The following SLC35G5 variants were observed in gnomAD, a reference collection of about 807,000 sequenced individuals.
SLC35G5 encodes the protein acyl-malonyl condensing enzyme 1-like 2.
In SLC35G5, 14 loss-of-function variants were observed where a neutral mutation model predicts 17.6. That is an observed-to-expected ratio of 0.79 (90% CI 0.52 to 1.24). The LOEUF is 1.24. SLC35G5 is among the 50% of genes most tolerant of loss of function. The probability of loss-of-function intolerance (pLI) is 0.00; values close to 1 mark genes in which losing one functional copy is unlikely to be tolerated. For synonymous variants in SLC35G5, 236 were observed against 194.9 expected, an observed-to-expected ratio of 1.21 and a Z score of -1.76; for missense variants, 541 against 430.3, an observed-to-expected ratio of 1.26 and a Z score of -2.28.
Position 11,331,446 on chromosome 8 carries a change from A to T in SLC35G5, c.340A>T (p.Ser114Cys). 1 of 1,613,938 alleles carries T rather than the reference A, an allele frequency of 6.2e-7. No homozygotes were observed. The highest frequency in any genetic ancestry group is 2.2e-5 in the East Asian group (1 of 44,878). ...ACFCALLNVL[S>C]IGCAYSAVQV... ...CTTCTGTGCCCTGCTCAACGTCCTC[A>T]GCATTGGATGTGCCTACAGTGCAGT... Residue 114 changes from serine (S) to cysteine (C), a missense_variant, in exon 1 of 1, where the codon AGC (serine) becomes TGC (cysteine). Physicochemically the swap from Ser to Cys is moderately radical, Grantham distance 112 (BLOSUM62 -1). Coordinates refer to ENST00000382435, the MANE Select transcript of SLC35G5 (RefSeq NM_054028.2).
Position 11,331,617 on chromosome 8 carries a change from A to G in SLC35G5, c.511A>G (p.Ile171Val), listed in dbSNP as rs1801232892. Residue 171 changes from isoleucine to valine, a missense_variant, in exon 1 of 1, where the codon ATC (isoleucine) becomes GTC (valine). Coordinates refer to ENST00000382435, the MANE Select transcript of SLC35G5 (RefSeq NM_054028.2). Reference protein sequence around the residue: ...GLLGSILGLIIILGPGLWTLQ... With the variant: ...GLLGSILGLIVILGPGLWTLQ... The stretch of plus-strand genomic sequence containing the variant: ...GTTGGGCAGCATCCTAGGACTAATC[A>G]TCATTCTGGGACCTGGACTCTGGAC... The G allele has an allele frequency of 6.2e-7, 1 of 1,612,898 alleles. No homozygotes were observed. The highest frequency in any genetic ancestry group is 1.3e-5 in the African/African-American group (1 of 74,778).
rs1343549536 is a variant in SLC35G5 at position 11,331,435 on chromosome 8, T to A, written c.329T>A (p.Leu110His). The A allele has an allele frequency of 3.1e-6, 5 of 1,613,890 alleles. No homozygotes were observed. The highest frequency in any genetic ancestry group is 4.2e-6 in the Non-Finnish European group (5 of 1,179,872). Residue 110 changes from leucine (L) to histidine (H), a missense_variant, in exon 1 of 1, where the codon CTC becomes CAC. Leu to His is a moderately conservative substitution (Grantham distance 99). Coordinates refer to ENST00000382435, the MANE Select transcript of SLC35G5 (RefSeq NM_054028.2). ...GGCTGGGCCTGCTTCTGTGCCCTGC[T>A]CAACGTCCTCAGCATTGGATGTGCC... ...IRGWACFCAL[L>H]NVLSIGCAYS... is the part of the protein sequence containing the mutation.
rs1801225502 is a variant in SLC35G5 at position 11,331,501 on chromosome 8, C to G, written c.395C>G (p.Thr132Ser). 1 of 1,613,980 alleles carries G rather than the reference C, an allele frequency of 6.2e-7. No individual in the cohort carries two copies. Reference sequence around the variant, plus strand: ...GTGGTGCCCGCTGGCAACGCTGCCACTGTTCGCAAAGGTTCTTCCACCGTA... The same window carrying G: ...GTGGTGCCCGCTGGCAACGCTGCCAGTGTTCGCAAAGGTTCTTCCACCGTA... Reference protein sequence around the residue: ...VQVVPAGNAATVRKGSSTVCS... With the variant: ...VQVVPAGNAASVRKGSSTVCS... Residue 132 changes from threonine to serine, a missense_variant, in exon 1 of 1, where the codon ACT becomes AGT. Transcript: ENST00000382435.
rs138832889 is a variant in SLC35G5 at position 11,331,862 on chromosome 8, T to C, written c.756T>C (p.Ser252=). ...QTPVLPSDLL[S]WSCVGAEGIL... Reference sequence around the variant, plus strand: ...CCGTGTTGCCCAGTGACCTCCTGAGTTGGAGTTGTGTGGGGGCAGAGGGGA... The same window carrying C: ...CCGTGTTGCCCAGTGACCTCCTGAGCTGGAGTTGTGTGGGGGCAGAGGGGA... Residue 252 remains serine, a synonymous_variant, in exon 1 of 1, where the codon AGT becomes AGC. Coordinates refer to ENST00000382435, the MANE Select transcript of SLC35G5 (RefSeq NM_054028.2). 6.2e-7 allele frequency: 1 copy of C among 1,611,884 alleles called. No individual in the cohort carries two copies.
At position 11,331,042 on chromosome 8, in the gene SLC35G5, A is replaced by G. The variant is rs1311827087; in HGVS notation, c.-65A>G. On this transcript the variant is annotated 5_prime_UTR_variant, in exon 1 of 1. The change abolishes an upstream ATG in the 5' untranslated region. Coordinates refer to ENST00000382435, the MANE Select transcript of SLC35G5 (RefSeq NM_054028.2). ...CCACCCGCACTCCAATGAGGTCACAATGGCTGGAGCTCTGAGGGGCCCAGG... is the reference window on the plus strand; with the variant it reads ...CCACCCGCACTCCAATGAGGTCACAGTGGCTGGAGCTCTGAGGGGCCCAGG... 5.2e-6 allele frequency: 8 copies of G among 1,533,962 alleles called. No individual in the cohort carries two copies. The highest frequency in any genetic ancestry group is 2.3e-5 in the East Asian group (1 of 44,114).
Position 11,331,126 on chromosome 8 carries a change from A to G in SLC35G5, c.20A>G (p.Tyr7Cys), listed in dbSNP as rs777722762. 2.5e-6 allele frequency: 4 copies of G among 1,603,650 alleles called. No individual in the cohort carries two copies. The East Asian group carries it at 6.7e-5, about 27-fold the overall frequency. The change falls in exon 1 of 1, where the codon TAC (tyrosine) becomes TGC (cysteine). Residue 7 changes from tyrosine (Y) to cysteine (C), a missense_variant. Tyr to Cys is a radical substitution (Grantham distance 194). Transcript: ENST00000382435. Reference sequence around the variant, plus strand: ...GGAAAGATGGCTGGCAGTCACCCCTACTTCAACCTGCCTGACTCCACACAC... The same window carrying G: ...GGAAAGATGGCTGGCAGTCACCCCTGCTTCAACCTGCCTGACTCCACACAC... The part of the protein sequence containing the change: MAGSHP[Y>C]FNLPDSTHPS...
In SLC35G5 at chr8:11,332,138, G is replaced by A; in HGVS notation, c.*15G>A. ...TGGAGGAGTGAGATAGAACTTGGGA[G>A]CCCGGGGGTTGGGAGGGACAGGGAT... On this transcript the variant is annotated 3_prime_UTR_variant, in exon 1 of 1. Transcript: ENST00000382435. The A allele has an allele frequency of 6.2e-7, 1 of 1,611,588 alleles. No individual in the cohort carries two copies. The highest frequency in any genetic ancestry group is 8.5e-7 in the Non-Finnish European group (1 of 1,179,784).
chr8:11,331,014 AC>A lies in SLC35G5; in HGVS notation c.-89del, dbSNP rs1801196575. On this transcript the variant is annotated 5_prime_UTR_variant, in exon 1 of 1. Coordinates refer to ENST00000382435, the MANE Select transcript of SLC35G5 (RefSeq NM_054028.2). ...CACCTCAGGAGAGTTCCAGGGAAGA[AC>A]CCCACCCGCACTCCAATGAGGTCAC... 6.7e-7 allele frequency: 1 copy of A among 1,501,404 alleles called. No individual in the cohort carries two copies. Among genetic ancestry groups the A allele is most frequent in the African/African-American group, 1.4e-5 (1 of 71,356 alleles). 93.0% of individuals were successfully genotyped at this position (1,501,404 alleles called of 1,614,324 possible).
At position 11,331,069 on chromosome 8, in the gene SLC35G5, T is replaced by A; in HGVS notation, c.-38T>A. ...GGCTGGAGCTCTGAGGGGCCCAGGC[T>A]CCCTGAGCCAGGAGGAGAGGAGAAA... On this transcript the variant is annotated 5_prime_UTR_variant, in exon 1 of 1. Coordinates refer to ENST00000382435, the MANE Select transcript of SLC35G5 (RefSeq NM_054028.2). The A allele has an allele frequency of 6.4e-6, 10 of 1,558,100 alleles. No individual in the cohort carries two copies. The highest frequency in any genetic ancestry group is 8.7e-6 in the Non-Finnish European group (10 of 1,155,548).
At position 11,331,371 on chromosome 8, in the gene SLC35G5, C is replaced by T. The variant is rs1411410978; in HGVS notation, c.265C>T (p.Leu89=). Residue 89 remains leucine, a synonymous_variant, in exon 1 of 1, where the codon CTG becomes TTG. Transcript: ENST00000382435. ...CCTCCCTATTGCCCTGCTACTTAAA[C>T]TGCGTGGCGACCCCCTTCTGGGACC... ...FHLPIALLLK[L]RGDPLLGPPD... 1.2e-6 allele frequency: 2 copies of T among 1,613,920 alleles called. No homozygotes were observed. The highest frequency in any genetic ancestry group is 2.7e-5 in the African/African-American group (2 of 74,940).
In SLC35G5 at chr8:11,331,420, G is replaced by A; in HGVS notation, c.314G>A (p.Cys105Tyr). The change falls in exon 1 of 1, where the codon TGC becomes TAC. Residue 105 changes from cysteine (C) to tyrosine (Y), a missense_variant. Physicochemically the swap from Cys to Tyr is radical, Grantham distance 194. Transcript: ENST00000382435. ...CCTCCTGACATCCGAGGCTGGGCCT[G>A]CTTCTGTGCCCTGCTCAACGTCCTC... ...LGPPDIRGWACFCALLNVLSI... is the reference protein window; with the variant it reads ...LGPPDIRGWAYFCALLNVLSI... 1 of 1,613,934 alleles carries A rather than the reference G, an allele frequency of 6.2e-7. No individual in the cohort carries two copies. The highest frequency in any genetic ancestry group is 8.5e-7 in the Non-Finnish European group (1 of 1,179,806).
rs1378421684 is a variant in SLC35G5, at chr8:11,332,010, C to T, written c.904C>T (p.His302Tyr). ...VALILQYYML[H>Y]ETVALSDIMG... ...CCTTATACTGCAGTATTATATGCTC[C>T]ATGAGACTGTGGCACTTTCTGACAT... The change falls in exon 1 of 1, where the codon CAT (histidine) becomes TAT (tyrosine). Residue 302 changes from histidine to tyrosine, a missense_variant. His to Tyr is a moderately conservative substitution (Grantham distance 83, BLOSUM62 2). Coordinates refer to ENST00000382435, the MANE Select transcript of SLC35G5 (RefSeq NM_054028.2). 1.2e-6 allele frequency: 2 copies of T among 1,611,830 alleles called. No individual in the cohort carries two copies. The highest frequency in any genetic ancestry group is 3.3e-5 in the Admixed American group (2 of 59,988).
At position 11,331,176 on chromosome 8, in the gene SLC35G5, A is replaced by C. The variant is rs745611158; in HGVS notation, c.70A>C (p.Ser24Arg). 17 of 1,613,294 alleles carry C rather than the reference A, an allele frequency of 1.1e-5. No homozygotes were observed. In the Admixed American group the frequency reaches 2.5e-4, roughly 24 times the overall value. The change falls in exon 1 of 1, where the codon AGC becomes CGC. Residue 24 changes from serine (S) to arginine (R), a missense_variant. By Grantham distance (110) the Ser-to-Arg change is moderately radical. Coordinates refer to ENST00000382435, the MANE Select transcript of SLC35G5 (RefSeq NM_054028.2). Reference sequence around the variant, plus strand: ...CCCATCGCCGCCCTCCGCTCCACCCAGCCTCCGCTGGCACCAGCGCTGCCA... The same window carrying C: ...CCCATCGCCGCCCTCCGCTCCACCCCGCCTCCGCTGGCACCAGCGCTGCCA... ...THPSPPSAPPSLRWHQRCQPS... is the reference protein window; with the variant it reads ...THPSPPSAPPRLRWHQRCQPS...
rs769858375 is a variant in SLC35G5, at chr8:11,331,774, C to G, written c.668C>G (p.Ala223Gly). Residue 223 changes from alanine (A) to glycine (G), a missense_variant, in exon 1 of 1, where the codon GCC (alanine) becomes GGC (glycine). Physicochemically the swap from Ala to Gly is moderately conservative, Grantham distance 60. Transcript: ENST00000382435. The part of the protein sequence containing the change: ...LHFPSCLPTV[A>G]FLSGLVGLLG... ...TTTCCCTCCTGCCTCCCAACAGTGG[C>G]CTTCCTATCTGGCTTGGTGGGGCTG... The G allele has an allele frequency of 4.3e-6, 7 of 1,611,704 alleles. No homozygotes were observed. Among genetic ancestry groups the G allele is most frequent in the Non-Finnish European group, 5.1e-6 (6 of 1,179,710 alleles).
chr8:11,331,546 T>C lies in SLC35G5; in HGVS notation c.440T>C (p.Leu147Pro), dbSNP rs1407229129. 5 of 1,613,452 alleles carry C rather than the reference T, an allele frequency of 3.1e-6. No homozygotes were observed. Among genetic ancestry groups the C allele is most frequent in the Admixed American group, 1.7e-5 (1 of 59,962 alleles). The change falls in exon 1 of 1, where the codon CTC becomes CCC. Residue 147 changes from leucine (L) to proline (P), a missense_variant. By Grantham distance (98) the Leu-to-Pro change is moderately conservative. Coordinates refer to ENST00000382435, the MANE Select transcript of SLC35G5 (RefSeq NM_054028.2). ...SSTVCSAVLT[L>P]CLESQGLGGY... is the part of the protein sequence containing the mutation. The stretch of plus-strand genomic sequence containing the variant: ...ACCGTATGCTCCGCTGTCCTCACCC[T>C]CTGCCTTGAGAGCCAGGGTCTCGGT...
chr8:11,331,899 G>A lies in SLC35G5; in HGVS notation c.793G>A (p.Val265Ile), dbSNP rs541045541. ...CVGAEGILAL[V>I]SFTCVGYAVT... is the part of the protein sequence containing the mutation. ...GGGGGCAGAGGGGATCCTCGCCTTGGTCTCCTTCACATGTGTGGGCTATGC... is the reference window on the plus strand; with the variant it reads ...GGGGGCAGAGGGGATCCTCGCCTTGATCTCCTTCACATGTGTGGGCTATGC... Residue 265 changes from valine (V) to isoleucine (I), a missense_variant, in exon 1 of 1, where the codon GTC (valine) becomes ATC (isoleucine). Physicochemically the swap from Val to Ile is conservative, Grantham distance 29 (BLOSUM62 3). Transcript: ENST00000382435. 5.5e-5 allele frequency: 88 copies of A among 1,612,040 alleles called. 2 individuals are homozygous for A. The South Asian group carries it at 9.0e-4, about 17-fold the overall frequency.
At position 11,331,245 on chromosome 8, in the gene SLC35G5, GGGGGCCTGCCTGCTGGCTTCGT is replaced by G; in HGVS notation, c.143_164del (p.Gly48AlafsTer113). On this transcript the variant is annotated frameshift_variant, in exon 1 of 1. Coordinates refer to ENST00000382435, the MANE Select transcript of SLC35G5 (RefSeq NM_054028.2). LOFTEE classifies it high-confidence loss of function. Reference sequence around the variant, plus strand: ...TGGCCTGCTGGTGGCCCTGCTGGGTGGGGGCCTGCCTGCTGGCTTCGTGGGCCCCCTTTCTCGTATGGCTTAC... The same window carrying G: ...TGGCCTGCTGGTGGCCCTGCTGGGTGGGGCCCCCTTTCTCGTATGGCTTAC... The G allele has an allele frequency of 6.2e-7, 1 of 1,613,840 alleles. No individual in the cohort carries two copies. The highest frequency in any genetic ancestry group is 8.5e-7 in the Non-Finnish European group (1 of 1,179,904).
chr8:11,331,795 G>A lies in SLC35G5; in HGVS notation c.689G>A (p.Gly230Glu). The A allele has an allele frequency of 6.2e-7, 1 of 1,611,742 alleles. No individual in the cohort carries two copies. The highest frequency in any genetic ancestry group is 1.1e-5 in the South Asian group (1 of 90,978). Reference sequence around the variant, plus strand: ...GTGGCCTTCCTATCTGGCTTGGTGGGGCTGCTGGGCTGTGTGCCAGGCCTC... The same window carrying A: ...GTGGCCTTCCTATCTGGCTTGGTGGAGCTGCTGGGCTGTGTGCCAGGCCTC... ...PTVAFLSGLVGLLGCVPGLFV... is the reference protein window; with the variant it reads ...PTVAFLSGLVELLGCVPGLFV... The change falls in exon 1 of 1, where the codon GGG (glycine) becomes GAG (glutamate). Residue 230 changes from glycine (G) to glutamate (E), a missense_variant. Coordinates refer to ENST00000382435, the MANE Select transcript of SLC35G5 (RefSeq NM_054028.2).
rs13253016 is a variant in SLC35G5 at position 11,331,077 on chromosome 8, C to T, written c.-30C>T. ...CTCTGAGGGGCCCAGGCTCCCTGAG[C>T]CAGGAGGAGAGGAGAAAGTCCAAGG... On this transcript the variant is annotated 5_prime_UTR_variant, in exon 1 of 1. Transcript: ENST00000382435. 713,706 of 1,554,266 alleles carry T rather than the reference C, an allele frequency of 0.46. 164,435 individuals carry two copies. Among genetic ancestry groups the T allele is most frequent in the East Asian group, 0.71 (31,297 of 44,106 alleles).
Sources: allele counts gnomAD v4.1 joint callset, GRCh38; gene constraint gnomAD v4.1.1; transcripts MANE v1.5; gene names NCBI Gene and HGNC (gene_info 2026-07-23, HGNC 2026-07-21).